CASP4: variants seen among roughly 807,000 people sequenced by gnomAD.
The protein encoded by CASP4 is caspase 4.
Under a neutral mutation model 41.3 loss-of-function variants are expected in CASP4, and 29 were observed. The observed-to-expected ratio is 0.70, with a 90% CI of 0.52 to 0.96. The LOEUF (loss-of-function observed/expected upper bound fraction) is 0.96. Ranked by LOEUF, CASP4 falls within the 40% of genes least tolerant of loss-of-function variation. The pLI is 0.00. For synonymous variants in CASP4, 185 were observed against 158.4 expected (o/e 1.17, Z -1.26); for missense variants, 447 against 460.6 (o/e 0.97, Z 0.27).
chr11:104,954,949 A>G lies in CASP4; in HGVS notation c.60T>C (p.Asp20=). The change falls in exon 2 of 9, where the codon GAT becomes GAC. Residue 20 remains aspartate, a synonymous_variant. Coordinates refer to ENST00000444739, the MANE Select transcript of CASP4 (RefSeq NM_001225.4). ...AGTTATCCAAAACACCAGTGAGGAA[A>G]TCTTTGCCCAGGGATTCCAACACCT... ...PLKVLESLGK[D]FLTGVLDNLV... The G allele has an allele frequency of 1.2e-6, 2 of 1,613,684 alleles. No individual in the cohort carries two copies. The highest frequency in any genetic ancestry group is 1.7e-6 in the Non-Finnish European group (2 of 1,179,756).
intron 1 of CASP4, among the ~76,000 whole-genome samples, chr11:104,965,552 C>G (rs59034601): frequency 3.7e-4 from 57 of 152,294 alleles, no homozygotes; most frequent in African/African-American, 1.3e-3. Context: ...AAGACCTAAC[C>G]AACTCTATCT....
chr11:104,956,581 C>A (rs977907835), intron 1 of CASP4: 7 of 883,280 alleles, frequency 7.9e-6, no homozygotes, highest in African/African-American at 1.8e-5. Flanking sequence ...ATTCTTAATT[C>A]ATCAAACTAC....
chr11:104,944,970 AGCCCAT>A, intron 7 of CASP4, 119 bp from the exon 8 acceptor site: 1 of 701,806 alleles, frequency 1.4e-6, no homozygotes. Context: ...CATAGAACCA[AGCCCAT>A]GGGCATTCTA....
intron 1 of CASP4, among the ~76,000 whole-genome samples, chr11:104,963,389 C>T (rs992418811): frequency 1.1e-4 from 16 of 152,188 alleles, no homozygotes; most frequent in Non-Finnish European, 1.9e-4. Flanking sequence ...AAGAAACAAA[C>T]AAAAAACCCT....
chr11:104,962,971 T>A (rs1054924894), intron 1 of CASP4, among the ~76,000 whole-genome samples: 1 of 152,170 alleles, frequency 6.6e-6, no homozygotes, highest in African/African-American at 2.4e-5. Context: ...TTGGGGAAAT[T>A]CTAAATCTTG....
intron 5 of CASP4, chr11:104,949,267 T>A (rs1419984113): frequency 1.3e-5 from 6 of 457,224 alleles, no homozygotes; most frequent in African/African-American, 1.2e-4. Context: ...AATGATTCCA[T>A]TCCAAAGTTT....
In CASP4 at chr11:104,943,371, A is replaced by G. The variant is rs569063258; in HGVS notation, c.*6-398T>C. On this transcript the variant is annotated intron_variant, in intron 8 of 8. Coordinates refer to ENST00000444739, the MANE Select transcript of CASP4 (RefSeq NM_001225.4). Reference sequence around the variant, plus strand: ...GTTTAGTGCATTGCTATCCCAGGGCATTTGCACTGGCTGTATTCTGTGCTG... The same window carrying G: ...GTTTAGTGCATTGCTATCCCAGGGCGTTTGCACTGGCTGTATTCTGTGCTG... 49 of 194,986 alleles carry G rather than the reference A, an allele frequency of 2.5e-4. No individual in the cohort carries two copies. In the South Asian group the frequency reaches 4.6e-3, roughly 18 times the overall value. 12.1% of individuals were successfully genotyped at this position (194,986 alleles called of 1,614,324 possible).
intron 5 of CASP4, chr11:104,949,332 A>T: frequency 1.7e-6 from 1 of 577,152 alleles, no homozygotes; most frequent in Non-Finnish European, 3.0e-6. Context: ...TTCACCACTT[A>T]CTGTGGATAA....
At chr11:104,950,481 T>C (rs78819381) in intron 4 of CASP4, among the ~76,000 whole-genome samples, 2,605 of 152,274 alleles carry the variant, frequency 0.017, 80 homozygotes, top group African/African-American at 0.06. Flanking sequence ...TTTCACTGTT[T>C]CTCTCTACTG....
rs1361779561 is a variant in CASP4, at chr11:104,954,793, A to G, written c.216T>C (p.Leu72=). Residue 72 remains leucine, a synonymous_variant, in exon 2 of 9, where the codon CTT becomes CTC. Coordinates refer to ENST00000444739, the MANE Select transcript of CASP4 (RefSeq NM_001225.4). ...QEKQRMAGQM[L]LQTFFNIDQI... is the part of the protein sequence containing the mutation. Reference sequence around the variant, plus strand: ...GGTCTATGTTAAAAAAGGTTTGAAGAAGCATTTGTCCTGCCATACGTTGCT... The same window carrying G: ...GGTCTATGTTAAAAAAGGTTTGAAGGAGCATTTGTCCTGCCATACGTTGCT... 6.2e-6 allele frequency: 10 copies of G among 1,613,712 alleles called. No individual in the cohort carries two copies. Among genetic ancestry groups the G allele is most frequent in the South Asian group, 3.3e-5 (3 of 91,072 alleles).
At chr11:104,955,547 A>C (rs1161446165) in intron 1 of CASP4, among the ~76,000 whole-genome samples, 2 of 143,596 alleles carry the variant, frequency 1.4e-5, no homozygotes, top group African/African-American at 5.0e-5. Context: ...AAAAGTACTT[A>C]ATATGCTTGC....
At chr11:104,960,534 A>G (rs1446410779) in intron 1 of CASP4, among the ~76,000 whole-genome samples, 2 of 152,084 alleles carry the variant, frequency 1.3e-5, no homozygotes, top group South Asian at 2.1e-4. Flanking sequence ...CAGTGGTGCT[A>G]TCTTGGCTCA....
intron 1 of CASP4, among the ~76,000 whole-genome samples, chr11:104,960,032 C>A (rs112349183): frequency 9.9e-5 from 15 of 152,256 alleles, no homozygotes; most frequent in Non-Finnish European, 1.9e-4. Flanking sequence ...CTAATCTAGG[C>A]CTTCTCATTC....
chr11:104,968,544 T>C lies in CASP4; in HGVS notation c.-19A>G. The C allele has an allele frequency of 6.2e-7, 1 of 1,611,740 alleles. No individual in the cohort carries two copies. The highest frequency in any genetic ancestry group is 8.5e-7 in the Non-Finnish European group (1 of 1,178,054). On this transcript the variant is annotated 5_prime_UTR_variant, in exon 1 of 9. Transcript: ENST00000444739. ...CTGCCATAGGGAACAGCCTCTGTCC[T>C]TTTTTACAGCGTTGGAAAGAGCCTC...
At chr11:104,951,862 CT>C (rs535464021) in intron 3 of CASP4, 33 bp downstream of exon 3, 17 of 1,379,612 alleles carry the variant, frequency 1.2e-5, no homozygotes, top group Non-Finnish European at 1.5e-5. Context: ...GATATCTCTT[CT>C]TTTTTTTCTA....
At chr11:104,945,366 C>G (rs1008465938) in intron 7 of CASP4, among the ~76,000 whole-genome samples, 2 of 151,962 alleles carry the variant, frequency 1.3e-5, no homozygotes, top group African/African-American at 4.8e-5. Context: ...AATTCTCCTG[C>G]CTCAGCCTCC....
At chr11:104,968,216 C>T (rs867284006) in intron 1 of CASP4, among the ~76,000 whole-genome samples, 10 of 152,282 alleles carry the variant, frequency 6.6e-5, no homozygotes, top group South Asian at 6.2e-4. Context: ...GAGTGCATTT[C>T]GAAACTTCTA....
rs541501912 is a variant in CASP4, at chr11:104,952,252, G to A, written c.263-247C>T. ...GGGAAAACATGTCAATGATGTTGGGGTTAAATTTGGCCTTTCCTTATACCG... is the reference window on the plus strand; with the variant it reads ...GGGAAAACATGTCAATGATGTTGGGATTAAATTTGGCCTTTCCTTATACCG... On this transcript the variant is annotated intron_variant, in intron 2 of 8. Transcript: ENST00000444739. 9.9e-5 allele frequency among the ~76,000 whole-genome samples: 15 copies of A among 152,148 alleles called. No individual in the cohort carries two copies. In the South Asian group the frequency reaches 1.0e-3, roughly 11 times the overall value.
In CASP4 at chr11:104,947,135, G is replaced by T. The variant is rs1845682858; in HGVS notation, c.983C>A (p.Thr328Lys). Residue 328 changes from threonine (T) to lysine (K), a missense_variant, in exon 7 of 9, where the codon ACA becomes AAA. Thr to Lys is a moderately conservative substitution (Grantham distance 78). Transcript: ENST00000444739. Reference sequence around the variant, plus strand: ...GCACCAAGAATATTTCTGGAAGCATGTGATGAGTTGTGTGATGAAGATAGA... The same window carrying T: ...GCACCAAGAATATTTCTGGAAGCATTTGATGAGTTGTGTGATGAAGATAGA... Reference protein sequence around the residue: ...MGSIFITQLITCFQKYSWCCH... With the variant: ...MGSIFITQLIKCFQKYSWCCH... The T allele has an allele frequency of 6.2e-7, 1 of 1,613,108 alleles. No individual in the cohort carries two copies. The highest frequency in any genetic ancestry group is 1.7e-5 in the Admixed American group (1 of 59,984).
Sources: allele counts gnomAD v4.1 joint callset (sites outside exome capture counted in the v4.1 genomes callset), GRCh38; gene constraint gnomAD v4.1.1; transcripts MANE v1.5; gene names NCBI Gene and HGNC (gene_info 2026-07-23, HGNC 2026-07-21).